MICU1: variants seen among roughly 807,000 people sequenced by gnomAD.
MICU1 encodes the protein mitochondrial calcium uptake 1, also known as calcium uptake protein 1, mitochondrial.
Under a neutral mutation model 56.8 loss-of-function variants are expected in MICU1, and 45 were observed. That is an observed-to-expected ratio of 0.79 (90% CI 0.62 to 1.02). The LOEUF (loss-of-function observed/expected upper bound fraction) is 1.02, where lower values mean the gene tolerates loss of function less well. Ranked by LOEUF, MICU1 falls within the 50% of genes least tolerant of loss-of-function variation. The probability of loss-of-function intolerance (pLI) is 0.00; values close to 1 mark genes in which losing one functional copy is unlikely to be tolerated. For synonymous variants in MICU1, 186 were observed against 195.1 expected (o/e 0.95, Z 0.39); for missense variants, 504 against 587.1 (o/e 0.86, Z 1.46).
chr10:72,416,238 A>G (rs1357864755), intron 9 of MICU1, among the ~76,000 whole-genome samples: 2 of 152,158 alleles, frequency 1.3e-5, no homozygotes, highest in African/African-American at 2.4e-5. Flanking sequence ...ATAAAACTAA[A>G]TCTCCTATAG....
intron 9 of MICU1, among the ~76,000 whole-genome samples, chr10:72,422,248 G>A (rs960919078): frequency 5.3e-5 from 8 of 152,164 alleles, no homozygotes; most frequent in Admixed American, 6.5e-5. Flanking sequence ...AAGCCTGTGT[G>A]AGGACACATT....
chr10:72,509,528 A>G, intron 5 of MICU1: 1 of 674,512 alleles, frequency 1.5e-6, no homozygotes, highest in Non-Finnish European at 2.3e-6. Context: ...CATTCAAAAT[A>G]GCCTCTACTA....
At chr10:72,380,705 C>T (rs1444568381) in intron 10 of MICU1, among the ~76,000 whole-genome samples, 1 of 152,190 alleles carries the variant, frequency 6.6e-6, no homozygotes, top group African/African-American at 2.4e-5. Flanking sequence ...TAGATGGTAA[C>T]AGAGCTGGGT....
chr10:72,421,912 T>C (rs1864187313), intron 9 of MICU1, among the ~76,000 whole-genome samples: 1 of 152,214 alleles, frequency 6.6e-6, no homozygotes. Context: ...CTGTTCCTCA[T>C]ATCCCTCTCT....
rs71018281 is a variant in MICU1, at chr10:72,382,276, A to ATT, written c.1181-6406_1181-6405dup. 5.8e-3 allele frequency among the ~76,000 whole-genome samples: 840 copies of ATT among 143,786 alleles called. 5 individuals are homozygous for ATT. Among genetic ancestry groups the ATT allele is most frequent in the Middle Eastern group, 0.021 (6 of 284 alleles). The allele number at this position is 143,786 out of a possible 152,430, so 94.3% of individuals were successfully genotyped here. A position where few individuals can be genotyped will look rare whatever the true frequency, so the allele number is the denominator to read the frequency against. On this transcript the variant is annotated intron_variant, in intron 10 of 11. Coordinates refer to ENST00000361114, the MANE Select transcript of MICU1 (RefSeq NM_001195518.2). ...AGGTGCCTGCCACCACGTCCGGCTAATTTTTTTTTTTTTTTAGTAGAGACA... is the reference window on the plus strand; with the variant it reads ...AGGTGCCTGCCACCACGTCCGGCTAATTTTTTTTTTTTTTTTTAGTAGAGACA...
intron 10 of MICU1, among the ~76,000 whole-genome samples, chr10:72,382,526 C>T (rs538750756): frequency 1.1e-4 from 16 of 152,172 alleles, no homozygotes; most frequent in South Asian, 6.2e-4. Flanking sequence ...AGTGCTAAGG[C>T]CTGATTAGAG....
chr10:72,566,958 T>C (rs1259487044), intron 1 of MICU1, among the ~76,000 whole-genome samples, 164 bp from the exon 2 acceptor site: 1 of 152,184 alleles, frequency 6.6e-6, no homozygotes, highest in African/African-American at 2.4e-5. Flanking sequence ...CAGAATAATC[T>C]TATGAGCAAA....
At chr10:72,485,072 T>A (rs974188084) in intron 6 of MICU1, among the ~76,000 whole-genome samples, 2 of 152,088 alleles carry the variant, frequency 1.3e-5, no homozygotes, top group Admixed American at 1.3e-4. Context: ...TAAGAAAAAG[T>A]CTGCCAATCC....
chr10:72,410,446 A>G (rs7099672), intron 9 of MICU1, among the ~76,000 whole-genome samples: 10,890 of 152,192 alleles, frequency 0.072, 1,340 homozygotes, highest in African/African-American at 0.25. Flanking sequence ...GAGAAACCCC[A>G]TCTCTACTAA....
At chr10:72,550,732 C>T (rs1251223279) in intron 4 of MICU1, among the ~76,000 whole-genome samples, 1 of 152,148 alleles carries the variant, frequency 6.6e-6, no homozygotes, top group African/African-American at 2.4e-5. Context: ...TTTTGTGGTA[C>T]TGCATAAGTT....
At chr10:72,549,961 C>T (rs7082882) in intron 4 of MICU1, among the ~76,000 whole-genome samples, 92,610 of 147,776 alleles carry the variant, frequency 0.63, 30,502 homozygotes, top group African/African-American at 0.72. Context: ...TTAGTTTCTT[C>T]ATATCCTACT....
intron 8 of MICU1, among the ~76,000 whole-genome samples, chr10:72,444,552 A>G (rs1020977865): frequency 6.8e-6 from 1 of 147,918 alleles, no homozygotes; most frequent in Non-Finnish European, 1.5e-5. Context: ...CAGGTTCAAG[A>G]GATTCTCCTG....
intron 10 of MICU1, among the ~76,000 whole-genome samples, chr10:72,393,664 A>G (rs1347312663): frequency 6.6e-6 from 1 of 152,230 alleles, no homozygotes; most frequent in East Asian, 1.9e-4. Context: ...GAGCGAGAAA[A>G]GGAGGCAGAT....
chr10:72,383,057 T>C (rs1348705262), intron 10 of MICU1, among the ~76,000 whole-genome samples: 4 of 152,142 alleles, frequency 2.6e-5, no homozygotes, highest in African/African-American at 7.2e-5. Context: ...GCCTGGGCAA[T>C]AGAGGAAGAC....
At chr10:72,434,550 T>C (rs1864647812) in intron 8 of MICU1, among the ~76,000 whole-genome samples, 1 of 152,158 alleles carries the variant, frequency 6.6e-6, no homozygotes, top group Admixed American at 6.5e-5. Context: ...CATACTTCTC[T>C]GAGATTTAGG....
intron 1 of MICU1, among the ~76,000 whole-genome samples, chr10:72,613,109 T>G (rs1289159158): frequency 1.3e-5 from 2 of 152,118 alleles, no homozygotes; most frequent in Non-Finnish European, 2.9e-5. Flanking sequence ...CAAAGACTAC[T>G]ATTATCAACA....
intron 6 of MICU1, among the ~76,000 whole-genome samples, chr10:72,478,785 T>C (rs1054965420): frequency 6.6e-5 from 10 of 152,148 alleles, no homozygotes; most frequent in African/African-American, 1.9e-4. Flanking sequence ...TCACTTGATA[T>C]TGACTTCCAA....
intron 8 of MICU1, among the ~76,000 whole-genome samples, chr10:72,458,417 C>T (rs2132230876): frequency 6.6e-6 from 1 of 152,218 alleles, no homozygotes; most frequent in South Asian, 2.1e-4. Context: ...ATTATCAAAA[C>T]ATCTCACTGA....
At chr10:72,391,074 G>GGT (rs1369746101) in intron 10 of MICU1, among the ~76,000 whole-genome samples, 1 of 152,188 alleles carries the variant, frequency 6.6e-6, no homozygotes, top group African/African-American at 2.4e-5. Context: ...CTATGAGGTG[G>GGT]GTCCAGTTGG....
Sources: allele counts gnomAD v4.1 joint callset (sites outside exome capture counted in the v4.1 genomes callset), GRCh38; gene constraint gnomAD v4.1.1; transcripts MANE v1.5; gene names NCBI Gene and HGNC (gene_info 2026-07-23, HGNC 2026-07-21).